AGL: variants seen among roughly 807,000 people sequenced by gnomAD.
AGL encodes glycogen debranching enzyme.
A neutral mutation model predicts 199.3 loss-of-function variants in AGL; 128 were observed. That is an observed-to-expected ratio of 0.64 (90% CI 0.56 to 0.74). The LOEUF is 0.74. AGL is among the 30% of genes least tolerant of loss of function. The pLI is 0.00. For synonymous variants in AGL, 584 were observed against 594.7 expected (o/e 0.98, Z 0.26); for missense variants, 1,809 against 1,820.8 (o/e 0.99, Z 0.12).
intron 5 of AGL, among the ~76,000 whole-genome samples, chr1:99,868,195 CTCTT>C (rs1404752052): frequency 6.6e-6 from 1 of 152,106 alleles, no homozygotes; most frequent in Non-Finnish European, 1.5e-5. Flanking sequence ...TGGAGTTTGA[CTCTT>C]CTTTCATGTA....
Position 99,864,576 on chromosome 1 carries a change from C to G in AGL, c.651C>G (p.Val217=). Residue 217 remains valine (V), a synonymous_variant, in exon 5 of 34, where the codon GTC becomes GTG. Coordinates refer to ENST00000361915, the MANE Select transcript of AGL (RefSeq NM_000642.3). ...ATGTTATTTGTATTACTGATGTTGTCTACAATCATACTGGTATGAGCTTCA... is the reference window on the plus strand; with the variant it reads ...ATGTTATTTGTATTACTGATGTTGTGTACAATCATACTGGTATGAGCTTCA... The part of the protein sequence containing the change: ...EWNVICITDV[V]YNHTAANSKW... 1 of 1,613,344 alleles carries G rather than the reference C, an allele frequency of 6.2e-7. No homozygotes were observed.
In AGL at chr1:99,910,961, T is replaced by C. The variant is rs906266209; in HGVS notation, c.3836+114T>C. The stretch of plus-strand genomic sequence containing the variant: ...TCTTTACATTAAGTCAATCAAAATT[T>C]CCCTGCCTTCTTCCCTTCATCTCCC... On this transcript the variant is annotated intron_variant, in intron 28 of 33. Coordinates refer to ENST00000361915, the MANE Select transcript of AGL (RefSeq NM_000642.3). 9 of 1,155,562 alleles carry C rather than the reference T, an allele frequency of 7.8e-6. No individual in the cohort carries two copies. The African/African-American group carries it at 1.2e-4, about 16-fold the overall frequency. 71.6% of individuals were successfully genotyped at this position (1,155,562 alleles called of 1,614,324 possible). A position where few individuals can be genotyped will look rare whatever the true frequency, so the allele number is the denominator to read the frequency against.
At chr1:99,863,660 A>T (rs939331790) in intron 4 of AGL, among the ~76,000 whole-genome samples, 1 of 150,688 alleles carries the variant, frequency 6.6e-6, no homozygotes, top group Non-Finnish European at 1.5e-5. Flanking sequence ...TCACGGTGTT[A>T]GGATGGTCTC....
intron 2 of AGL, among the ~76,000 whole-genome samples, chr1:99,853,301 A>G (rs1649132530): frequency 6.6e-6 from 1 of 152,190 alleles, no homozygotes; most frequent in Non-Finnish European, 1.5e-5. Flanking sequence ...CAGTTGCCCA[A>G]GTCATTCCTG....
At chr1:99,904,055 G>A (rs902782293) in intron 27 of AGL, among the ~76,000 whole-genome samples, 2 of 152,090 alleles carry the variant, frequency 1.3e-5, no homozygotes, top group Non-Finnish European at 2.9e-5. Flanking sequence ...AGTGGTAGAG[G>A]TAGACTTTAC....
chr1:99,863,348 A>G (rs924449280), intron 4 of AGL, among the ~76,000 whole-genome samples: 1 of 152,168 alleles, frequency 6.6e-6, no homozygotes, highest in African/African-American at 2.4e-5. Context: ...CATTTCTAAG[A>G]CTTTACCATA....
intron 2 of AGL, chr1:99,861,299 CTA>C: frequency 7.0e-7 from 1 of 1,432,374 alleles, no homozygotes; most frequent in South Asian, 1.5e-5. Flanking sequence ...GCAGACAGCT[CTA>C]TGATGTTTAC....
In AGL at chr1:99,916,589, C is replaced by CT. The variant is rs886044921; in HGVS notation, c.4348-3dup. The CT allele has an allele frequency of 3.1e-6, 5 of 1,611,918 alleles. No individual in the cohort carries two copies. Among genetic ancestry groups the CT allele is most frequent in the South Asian group, 1.1e-5 (1 of 90,660 alleles). On this transcript the variant is annotated splice_polypyrimidine_tract_variant and intron_variant, in intron 32 of 33. Transcript: ENST00000361915. Reference sequence around the variant, plus strand: ...TGGTTTTTTTTGTCTTTTAAATAATCTTTTTTAGGAGTGGCTGTGGCCTAT... The same window carrying CT: ...TGGTTTTTTTTGTCTTTTAAATAATCTTTTTTTAGGAGTGGCTGTGGCCTAT...
At chr1:99,874,853 C>T (rs772155537) in intron 8 of AGL, 43 bp downstream of exon 8, 2 of 1,596,926 alleles carry the variant, frequency 1.3e-6, no homozygotes, top group Non-Finnish European at 1.7e-6. Context: ...ATATTACTTA[C>T]AAACCTTTAT....
At position 99,861,240 on chromosome 1, in the gene AGL, A is replaced by G. The variant is rs142843608; in HGVS notation, c.83-263A>G. 1.5e-4 allele frequency: 195 copies of G among 1,314,316 alleles called. No individual in the cohort carries two copies. In the Middle Eastern group the frequency reaches 1.5e-3, roughly 10 times the overall value. 81.4% of individuals were successfully genotyped at this position (1,314,316 alleles called of 1,614,324 possible). On this transcript the variant is annotated intron_variant, in intron 2 of 33. Coordinates refer to ENST00000361915, the MANE Select transcript of AGL (RefSeq NM_000642.3). ...AAGAATTTGCACATCCCAAGTTGCT[A>G]TGTGAATAGGAATGCGTTTCCAGGG... is the stretch of plus-strand genomic sequence containing the variant.
chr1:99,861,833 A>C (rs1231622562), intron 3 of AGL, 120 bp downstream of exon 3: 1 of 1,104,106 alleles, frequency 9.1e-7, no homozygotes, highest in Non-Finnish European at 1.4e-6. Context: ...TGCTTCCTTG[A>C]GATGCAAATA....
rs1379237949 is a variant in AGL, at chr1:99,891,313, A to G, written c.2906A>G (p.Tyr969Cys). The stretch of plus-strand genomic sequence containing the variant: ...AGATCTGGAGATTGGATGATTGACT[A>G]TGTCAGTAACCGGCTTATTTCACGA... Reference protein sequence around the residue: ...NLRSGDWMIDYVSNRLISRSG... With the variant: ...NLRSGDWMIDCVSNRLISRSG... Residue 969 changes from tyrosine to cysteine, a missense_variant, in exon 22 of 34, where the codon TAT becomes TGT. Transcript: ENST00000361915. The G allele has an allele frequency of 6.2e-7, 1 of 1,613,802 alleles. No individual in the cohort carries two copies. The highest frequency in any genetic ancestry group is 1.3e-5 in the African/African-American group (1 of 75,016).
At chr1:99,890,641 GA>G (rs142036034) in intron 21 of AGL, among the ~76,000 whole-genome samples, 22,111 of 105,802 alleles carry the variant, frequency 0.21, 1,745 homozygotes, top group South Asian at 0.37. Context: ...GAAGGATTAA[GA>G]AAAAAAAAAT....
chr1:99,874,749 T>C lies in AGL; in HGVS notation c.1021T>C (p.Tyr341His). The C allele has an allele frequency of 6.2e-7, 1 of 1,613,764 alleles. No individual in the cohort carries two copies. The change falls in exon 8 of 34, where the codon TAC becomes CAC. Residue 341 changes from tyrosine (Y) to histidine (H), a missense_variant. Tyr to His is a moderately conservative substitution (Grantham distance 83). Coordinates refer to ENST00000361915, the MANE Select transcript of AGL (RefSeq NM_000642.3). ...CCTTACGATTATTCAAGATCCTGAA[T>C]ACAGACGGTTTGGCTGTACTGTAGA... ...QHLTIIQDPE[Y>H]RRFGCTVDMN... is the part of the protein sequence containing the mutation.
At chr1:99,902,933 C>T (rs1653960638) in intron 27 of AGL, 139 bp downstream of exon 27, 3 of 669,440 alleles carry the variant, frequency 4.5e-6, no homozygotes, top group South Asian at 1.9e-5. Context: ...CTGATCTCAC[C>T]AAGTTTTTAG....
At chr1:99,867,376 C>G (rs1270702236) in intron 5 of AGL, among the ~76,000 whole-genome samples, 3 of 152,080 alleles carry the variant, frequency 2.0e-5, no homozygotes, top group Admixed American at 6.5e-5. Flanking sequence ...ACAAATGCCT[C>G]TGTTATGGAA....
At chr1:99,872,776 C>G (rs1333610528) in intron 7 of AGL, among the ~76,000 whole-genome samples, 1 of 152,192 alleles carries the variant, frequency 6.6e-6, no homozygotes, top group Non-Finnish European at 1.5e-5. Context: ...ATCTGCCTGC[C>G]TCAGCCTCCC....
chr1:99,854,684 A>G (rs1400875701), intron 2 of AGL, among the ~76,000 whole-genome samples: 3 of 151,702 alleles, frequency 2.0e-5, no homozygotes, highest in Non-Finnish European at 2.9e-5. Context: ...GAAAGGCGTG[A>G]ACCCAGGAGG....
chr1:99,921,423 T>A, intron 33 of AGL, 111 bp from the exon 34 acceptor site: 2 of 767,298 alleles, frequency 2.6e-6, no homozygotes, highest in African/African-American at 3.4e-5. Flanking sequence ...TTGTAGCAAA[T>A]GACTACATAT....
Sources: allele counts gnomAD v4.1 joint callset (sites outside exome capture counted in the v4.1 genomes callset), GRCh38; gene constraint gnomAD v4.1.1; transcripts MANE v1.5; gene names NCBI Gene and HGNC (gene_info 2026-07-23, HGNC 2026-07-21).